Variants in CNTN4 observed in about 807,000 individuals in gnomAD.
CNTN4 encodes the protein contactin 4, also known as contactin-4.
Under a neutral mutation model 122.5 loss-of-function variants are expected in CNTN4, and 77 were observed. The observed-to-expected ratio is 0.63, with a 90% CI of 0.52 to 0.76. The LOEUF (loss-of-function observed/expected upper bound fraction) is 0.76, where lower values mean the gene tolerates loss of function less well. CNTN4 is among the 30% of genes least tolerant of loss of function. The pLI, the probability that CNTN4 is intolerant of heterozygous loss-of-function variation, is 0.00. For missense variants in CNTN4, 1,256 were observed against 1,259.1 expected (o/e 1.00, Z 0.04); for synonymous variants, 512 against 447.0 (o/e 1.15, Z -1.83).
chr3:2,321,169 G>A (rs1220230196), intron 2 of CNTN4, among the ~76,000 whole-genome samples: 1 of 152,028 alleles, frequency 6.6e-6, no homozygotes, highest in Non-Finnish European at 1.5e-5. Context: ...CACATTAATT[G>A]TTATCCCCCT....
At chr3:2,310,615 C>T (rs1270079061) in intron 2 of CNTN4, among the ~76,000 whole-genome samples, 2 of 152,040 alleles carry the variant, frequency 1.3e-5, no homozygotes, top group Admixed American at 6.6e-5. Context: ...GACCTAAAAC[C>T]TACACCATTA....
At chr3:2,884,699 C>T (rs572406593) in intron 9 of CNTN4, among the ~76,000 whole-genome samples, 3 of 152,058 alleles carry the variant, frequency 2.0e-5, no homozygotes, top group African/African-American at 7.2e-5. Flanking sequence ...TCTAGATATA[C>T]ATTTGATGAA....
chr3:2,213,629 G>A (rs1276745758), intron 2 of CNTN4, among the ~76,000 whole-genome samples: 5 of 152,106 alleles, frequency 3.3e-5, no homozygotes, highest in Non-Finnish European at 4.4e-5. Flanking sequence ...GGTTTCTCTT[G>A]CCAACAGATA....
At chr3:2,216,259 A>G (rs1374482743) in intron 2 of CNTN4, among the ~76,000 whole-genome samples, 1 of 152,226 alleles carries the variant, frequency 6.6e-6, no homozygotes. Context: ...GCTGGAGGCT[A>G]TTATCATCAG....
At chr3:2,225,257 G>A (rs1367347851) in intron 2 of CNTN4, among the ~76,000 whole-genome samples, 1 of 151,208 alleles carries the variant, frequency 6.6e-6, no homozygotes, top group East Asian at 2.0e-4. Flanking sequence ...GCTCACACCT[G>A]CAATCCCAGC....
intron 4 of CNTN4, among the ~76,000 whole-genome samples, chr3:2,697,843 C>T (rs1255379538): frequency 6.6e-6 from 1 of 152,070 alleles, no homozygotes; most frequent in African/African-American, 2.4e-5. Context: ...TCTTGGAGTC[C>T]AAAGGCAGTC....
chr3:2,295,883 G>A (rs564137439), intron 2 of CNTN4, among the ~76,000 whole-genome samples: 1 of 152,272 alleles, frequency 6.6e-6, no homozygotes, highest in African/African-American at 2.4e-5. Context: ...TCCAGTTTCA[G>A]CTTTCTACAT....
intron 4 of CNTN4, among the ~76,000 whole-genome samples, chr3:2,616,079 C>A (rs939835710): frequency 6.7e-6 from 1 of 148,796 alleles, no homozygotes; most frequent in East Asian, 2.0e-4. Context: ...CAGTTTGTTA[C>A]ATAGGTATAT....
At chr3:2,550,884 A>C (rs916094546) in intron 3 of CNTN4, among the ~76,000 whole-genome samples, 2 of 152,072 alleles carry the variant, frequency 1.3e-5, no homozygotes, top group African/African-American at 4.8e-5. Context: ...ATCTCTCATA[A>C]GTGGGAGTTG....
intron 2 of CNTN4, among the ~76,000 whole-genome samples, chr3:2,156,424 C>T (rs527284887): frequency 2.0e-4 from 31 of 152,318 alleles, no homozygotes; most frequent in African/African-American, 7.2e-4. Context: ...CAGCAGCGTC[C>T]TCAAGCAGCG....
At position 2,763,508 on chromosome 3, in the gene CNTN4, T is replaced by G. The variant is rs558331682; in HGVS notation, c.358+17811T>G. On this transcript the variant is annotated intron_variant, in intron 6 of 24. Transcript: ENST00000418658. Reference sequence around the variant, plus strand: ...TTAATTAAATCCCATTTGTCAATTTTTGCTTTAGTTGCAATTGCTTTTGTT... The same window carrying G: ...TTAATTAAATCCCATTTGTCAATTTGTGCTTTAGTTGCAATTGCTTTTGTT... 6.6e-5 allele frequency among the ~76,000 whole-genome samples: 10 copies of G among 152,334 alleles called. No individual in the cohort carries two copies. The East Asian group carries it at 1.9e-3, about 29-fold the overall frequency.
intron 2 of CNTN4, among the ~76,000 whole-genome samples, chr3:2,138,673 C>G (rs547050249): frequency 2.0e-4 from 30 of 152,256 alleles, no homozygotes; most frequent in Admixed American, 1.4e-3. Flanking sequence ...TGAGCTGGGA[C>G]ATTGGTCCTC....
intron 3 of CNTN4, among the ~76,000 whole-genome samples, chr3:2,353,097 A>T (rs888034177): frequency 3.3e-5 from 5 of 152,080 alleles, no homozygotes; most frequent in African/African-American, 1.2e-4. Flanking sequence ...GAGAACTTTT[A>T]TGTCTAGCCG....
intron 3 of CNTN4, among the ~76,000 whole-genome samples, chr3:2,493,179 A>G (rs1158818758): frequency 6.6e-6 from 1 of 152,130 alleles, no homozygotes; most frequent in African/African-American, 2.4e-5. Flanking sequence ...TTCTGGGTAC[A>G]AAGATGATAA....
intron 2 of CNTN4, among the ~76,000 whole-genome samples, chr3:2,192,590 GA>G (rs1055007973): frequency 1.1e-4 from 16 of 151,552 alleles, no homozygotes; most frequent in African/African-American, 3.7e-4. Context: ...AAATTTACAA[GA>G]AAAAAACAAA....
At position 3,056,357 on chromosome 3, in the gene CNTN4, G is replaced by T. The variant is rs163352; in HGVS notation, c.*137G>T. 25 of 724,768 alleles carry T rather than the reference G, an allele frequency of 3.4e-5. 1 individual carries two copies. The highest frequency in any genetic ancestry group is 1.1e-4 in the South Asian group (7 of 63,976). 44.9% of individuals were successfully genotyped at this position (724,768 alleles called of 1,614,324 possible). The stretch of plus-strand genomic sequence containing the variant: ...AATAAAAATGTTTTTTGCTTCTTTA[G>T]GAATGGCATTATACAGTACTTCCTC... On this transcript the variant is annotated 3_prime_UTR_variant, in exon 25 of 25. Transcript: ENST00000418658.
At chr3:2,834,897 C>CTTTTTT (rs2093184015) in intron 7 of CNTN4, among the ~76,000 whole-genome samples, 3 of 79,978 alleles carry the variant, frequency 3.8e-5, no homozygotes, top group Admixed American at 3.3e-4. Flanking sequence ...ATAAAGGCAA[C>CTTTTTT]CTTTTTTTTT....
intron 2 of CNTN4, among the ~76,000 whole-genome samples, chr3:2,301,182 T>C (rs2042504470): frequency 6.6e-6 from 1 of 152,208 alleles, no homozygotes; most frequent in Admixed American, 6.5e-5. Context: ...ACAGATGCAC[T>C]GTTAGTATCC....
chr3:2,658,273 A>C (rs917989077), intron 4 of CNTN4, among the ~76,000 whole-genome samples: 6 of 151,662 alleles, frequency 4.0e-5, no homozygotes, highest in African/African-American at 1.5e-4. Context: ...CTGGCCCAGC[A>C]AGAGTCCCTG....
Sources: allele counts gnomAD v4.1 joint callset (sites outside exome capture counted in the v4.1 genomes callset), GRCh38; gene constraint gnomAD v4.1.1; transcripts MANE v1.5; gene names NCBI Gene and HGNC (gene_info 2026-07-23, HGNC 2026-07-21).